FOCAD: variants seen among roughly 807,000 people sequenced by gnomAD.
FOCAD encodes the protein focadhesin.
FOCAD carries 198 observed loss-of-function variants against 225.6 expected under a neutral mutation model. That is an observed-to-expected ratio of 0.88 (90% CI 0.78 to 0.99). FOCAD has a LOEUF of 0.99. Among genes scored for constraint, FOCAD ranks in the 50% least tolerant of loss-of-function variants. FOCAD has a pLI of 0.00. For synonymous variants in FOCAD, 897 were observed against 755.0 expected, an observed-to-expected ratio of 1.19 and a Z score of -3.08; for missense variants, 2,713 against 2,123.6, an observed-to-expected ratio of 1.28 and a Z score of -5.46.
chr9:20,844,391 C>G (rs1033296507), intron 15 of FOCAD, among the ~76,000 whole-genome samples: 2 of 110,334 alleles, frequency 1.8e-5, no homozygotes, highest in African/African-American at 7.0e-5. Context: ...GACAGAGTCT[C>G]ACTGTGTCAC....
At chr9:20,845,655 C>T (rs981145694) in intron 15 of FOCAD, among the ~76,000 whole-genome samples, 6 of 151,786 alleles carry the variant, frequency 4.0e-5, no homozygotes, top group African/African-American at 7.3e-5. Context: ...ATGGGGCTGC[C>T]GGTCCAAGGA....
intron 2 of FOCAD, among the ~76,000 whole-genome samples, chr9:20,674,830 TAAGGACTG>T (rs1174462835): frequency 6.6e-6 from 1 of 152,244 alleles, no homozygotes; most frequent in Non-Finnish European, 1.5e-5. Flanking sequence ...CCCATGGTTA[TAAGGACTG>T]AAATTTAAGA....
At chr9:20,830,586 G>A (rs1193673939) in intron 15 of FOCAD, among the ~76,000 whole-genome samples, 2 of 152,070 alleles carry the variant, frequency 1.3e-5, no homozygotes, top group African/African-American at 2.4e-5. Flanking sequence ...TTGATGTAGC[G>A]ACATATTTTA....
intron 4 of FOCAD, among the ~76,000 whole-genome samples, chr9:20,724,399 C>T (rs1002759909): frequency 1.3e-5 from 2 of 151,998 alleles, no homozygotes; most frequent in African/African-American, 4.8e-5. Context: ...TGGAAGAAAG[C>T]CTTGAATTTT....
intron 15 of FOCAD, among the ~76,000 whole-genome samples, chr9:20,858,298 C>CT (rs775808176): frequency 1.3e-5 from 2 of 152,034 alleles, no homozygotes; most frequent in East Asian, 3.9e-4. Context: ...CTTTGGATTT[C>CT]TTTTTTTCAT....
chr9:20,774,556 C>G (rs1490283846), intron 8 of FOCAD, among the ~76,000 whole-genome samples: 1 of 151,254 alleles, frequency 6.6e-6, no homozygotes, highest in Non-Finnish European at 1.5e-5. Context: ...ACTCTTTTGC[C>G]TTTTTCTTTA....
intron 28 of FOCAD, among the ~76,000 whole-genome samples, chr9:20,939,451 A>C (rs879658671): frequency 6.6e-6 from 1 of 152,120 alleles, no homozygotes; most frequent in Non-Finnish European, 1.5e-5. Context: ...ATGTGAGATT[A>C]AGATGCCGCC....
rs1326543023 is a variant in FOCAD at position 20,871,532 on chromosome 9, C to T, written c.2191-3149C>T. On this transcript the variant is annotated intron_variant, in intron 18 of 43. Coordinates refer to ENST00000338382, the MANE Select transcript of FOCAD (RefSeq NM_001375567.1). ...TGTTGCACACAACCAGGGGGAAAGA[C>T]TGGTAGTAGCCTAGGGAAGGTAGAA... Among the ~76,000 whole-genome samples the T allele has an allele frequency of 4.6e-5, 7 of 150,668 alleles. No individual in the cohort carries two copies. The South Asian group carries it at 8.4e-4, about 18-fold the overall frequency.
chr9:20,929,453 C>T lies in FOCAD; in HGVS notation c.3174C>T (p.Cys1058=), dbSNP rs1197135874. ...TTGTGCCAGTTTTCATTATCTCTTG[C>T]AAAGAGAAGGTTGAGGAAATCCTGA... ...SLLVPVFIIS[C]KEKVEEILNM... Residue 1058 remains cysteine, a synonymous_variant, in exon 27 of 44, where the codon TGC becomes TGT. Transcript: ENST00000338382. 3 of 1,614,068 alleles carry T rather than the reference C, an allele frequency of 1.9e-6. No homozygotes were observed. The highest frequency in any genetic ancestry group is 2.2e-5 in the South Asian group (2 of 91,086).
Position 20,990,939 on chromosome 9 carries a change from C to T in FOCAD, c.5256+565C>T, listed in dbSNP as rs548566386. On this transcript the variant is annotated intron_variant, in intron 42 of 43. Coordinates refer to ENST00000338382, the MANE Select transcript of FOCAD (RefSeq NM_001375567.1). ...GTGTGCCCTGGTCTGTGCTAGATGC[C>T]AAACAGAGCTTTGTAAAGGTCTGAT... Among the ~76,000 whole-genome samples the T allele has an allele frequency of 1.7e-3, 257 of 152,254 alleles. 2 individuals are homozygous for T. Among genetic ancestry groups the T allele is most frequent in the Middle Eastern group, 3.4e-3 (1 of 294 alleles).
chr9:20,840,860 T>A (rs1826452709), intron 15 of FOCAD, among the ~76,000 whole-genome samples: 2 of 152,046 alleles, frequency 1.3e-5, no homozygotes, highest in East Asian at 3.9e-4. Context: ...TGTGGGTCTG[T>A]CTTACGTGGC....
At chr9:20,929,060 C>A (rs1835221129) in intron 26 of FOCAD, 1 of 242,218 alleles carries the variant, frequency 4.1e-6, no homozygotes, top group East Asian at 9.4e-5. Context: ...TTTAGGAACA[C>A]TGAAATTGTT....
At chr9:20,921,084 G>C in intron 24 of FOCAD, among the ~76,000 whole-genome samples, 1 of 151,890 alleles carries the variant, frequency 6.6e-6, no homozygotes, top group Admixed American at 6.6e-5. Flanking sequence ...AACATTTAAA[G>C]CTTCAGGGAT....
chr9:20,936,661 T>C (rs1564175520), intron 28 of FOCAD, among the ~76,000 whole-genome samples: 1 of 152,092 alleles, frequency 6.6e-6, no homozygotes, highest in Non-Finnish European at 1.5e-5. Flanking sequence ...ACCCTGTCTC[T>C]ACTAAAAATA....
intron 11 of FOCAD, among the ~76,000 whole-genome samples, chr9:20,798,865 C>A (rs1020053420): frequency 1.3e-5 from 2 of 151,962 alleles, no homozygotes; most frequent in African/African-American, 4.8e-5. Flanking sequence ...CTGCTCTGAT[C>A]TTAGTTATTT....
chr9:20,878,009 T>C (rs1398106646), intron 19 of FOCAD, among the ~76,000 whole-genome samples: 2 of 152,146 alleles, frequency 1.3e-5, no homozygotes, highest in Non-Finnish European at 2.9e-5. Flanking sequence ...CAAATGCAGA[T>C]ATACAAAAAT....
chr9:20,667,828 GA>G (rs747289179), intron 2 of FOCAD, among the ~76,000 whole-genome samples: 4 of 151,760 alleles, frequency 2.6e-5, no homozygotes, highest in Non-Finnish European at 5.9e-5. Context: ...AACCAGATAT[GA>G]AAAAAAACCT....
At chr9:20,983,259 A>C (rs187181498) in intron 39 of FOCAD, among the ~76,000 whole-genome samples, 8 of 152,264 alleles carry the variant, frequency 5.3e-5, no homozygotes, top group Non-Finnish European at 1.0e-4. Flanking sequence ...GGTGTATCCT[A>C]AGGTTTGAAA....
At position 20,995,666 on chromosome 9, in the gene FOCAD, T is replaced by C. The variant is rs948463509; in HGVS notation, c.*37T>C. ...GTAACCAGCAGCATTCTCAGCTGGA[T>C]GAGGAAAACCATATAAGTGGAAGAA... On this transcript the variant is annotated 3_prime_UTR_variant, in exon 44 of 44. Coordinates refer to ENST00000338382, the MANE Select transcript of FOCAD (RefSeq NM_001375567.1). 3.2e-6 allele frequency: 5 copies of C among 1,579,016 alleles called. No individual in the cohort carries two copies. The highest frequency in any genetic ancestry group is 1.1e-5 in the South Asian group (1 of 89,950).
Sources: allele counts gnomAD v4.1 joint callset (sites outside exome capture counted in the v4.1 genomes callset), GRCh38; gene constraint gnomAD v4.1.1; transcripts MANE v1.5; gene names NCBI Gene and HGNC (gene_info 2026-07-23, HGNC 2026-07-21).